Variants in PDS5B observed in about 807,000 individuals in gnomAD.
The protein encoded by PDS5B is PDS5 cohesin associated factor B, also known as sister chromatid cohesion protein PDS5 homolog B.
In PDS5B, 51 loss-of-function variants were observed where a neutral mutation model predicts 184.1. The observed-to-expected ratio is 0.28, with a 90% CI of 0.22 to 0.35. The LOEUF (loss-of-function observed/expected upper bound fraction) is 0.35. Among genes scored for constraint, PDS5B ranks in the 10% least tolerant of loss-of-function variants. PDS5B has a pLI of 1.00. For synonymous variants in PDS5B, 566 were observed against 569.2 expected, an observed-to-expected ratio of 0.99 and a Z score of 0.08; for missense variants, 1,180 against 1,723.3, an observed-to-expected ratio of 0.68 and a Z score of 5.58.
intron 24 of PDS5B, among the ~76,000 whole-genome samples, chr13:32,751,181 C>T (rs1270707073): frequency 6.6e-6 from 1 of 152,162 alleles, no homozygotes; most frequent in East Asian, 1.9e-4. Context: ...CCAGCTCCAT[C>T]CATATTGCTG....
At position 32,770,155 on chromosome 13, in the gene PDS5B, C is replaced by T. The variant is rs199723708; in HGVS notation, c.3659C>T (p.Thr1220Met). ...GAGAAGCCTAGAGGCAGGAAAAAAACGCCCGTCACAGAACAGGAGGAGAAA... is the reference window on the plus strand; with the variant it reads ...GAGAAGCCTAGAGGCAGGAAAAAAATGCCCGTCACAGAACAGGAGGAGAAA... The part of the protein sequence containing the change: ...ELEKPRGRKK[T>M]PVTEQEEKLG... The change falls in exon 32 of 35, where the codon ACG becomes ATG. Residue 1220 changes from threonine to methionine, a missense_variant. Thr to Met is a moderately conservative substitution (Grantham distance 81). Coordinates refer to ENST00000315596, the MANE Select transcript of PDS5B (RefSeq NM_015032.4). 64 of 1,612,084 alleles carry T rather than the reference C, an allele frequency of 4.0e-5. No individual in the cohort carries two copies. The South Asian group carries it at 4.3e-4, about 11-fold the overall frequency.
intron 21 of PDS5B, among the ~76,000 whole-genome samples, chr13:32,738,565 T>C (rs2140966061): frequency 6.6e-6 from 1 of 152,336 alleles, no homozygotes; most frequent in East Asian, 1.9e-4. Flanking sequence ...TATATTAATC[T>C]TTTATCTGGT....
chr13:32,708,551 A>T (rs140536659), intron 18 of PDS5B, among the ~76,000 whole-genome samples: 110 of 152,332 alleles, frequency 7.2e-4, no homozygotes, highest in Middle Eastern at 3.4e-3. Flanking sequence ...ATTGCTGTAC[A>T]GGGAAATTTT....
chr13:32,671,258 TCAATA>T (rs896221338), intron 7 of PDS5B, among the ~76,000 whole-genome samples: 3 of 152,206 alleles, frequency 2.0e-5, no homozygotes, highest in Non-Finnish European at 2.9e-5. Flanking sequence ...ATAAAAGTGT[TCAATA>T]CATGTGTTTT....
At chr13:32,616,056 TCTC>T in intron 1 of PDS5B, among the ~76,000 whole-genome samples, 1 of 151,546 alleles carries the variant, frequency 6.6e-6, no homozygotes, top group Admixed American at 6.6e-5. Context: ...CCTCTCTCTC[TCTC>T]TTTTTTTTTT....
At chr13:32,664,889 G>A (rs1202849294) in intron 6 of PDS5B, among the ~76,000 whole-genome samples, 1 of 152,114 alleles carries the variant, frequency 6.6e-6, no homozygotes, top group Non-Finnish European at 1.5e-5. Context: ...GTGATAGCAT[G>A]TGCACTTGTG....
At position 32,760,583 on chromosome 13, in the gene PDS5B, A is replaced by G. The variant is rs769183990; in HGVS notation, c.3381A>G (p.Thr1127=). Residue 1127 remains threonine, a synonymous_variant, in exon 30 of 35, where the codon ACA becomes ACG. Coordinates refer to ENST00000315596, the MANE Select transcript of PDS5B (RefSeq NM_015032.4). The stretch of plus-strand genomic sequence containing the variant: ...TGCATTTCTCATTTCAGCCTAAAAC[A>G]ACCAATGTTCTAGGAGCTGTTAACA... ...KSFFTPGKPK[T]TNVLGAVNKP... is the part of the protein sequence containing the mutation. The G allele has an allele frequency of 8.7e-6, 14 of 1,613,468 alleles. No individual in the cohort carries two copies. In the African/African-American group the frequency reaches 1.3e-4, roughly 15 times the overall value.
At chr13:32,686,447 G>A (rs561604039) in intron 11 of PDS5B, among the ~76,000 whole-genome samples, 3 of 152,124 alleles carry the variant, frequency 2.0e-5, no homozygotes, top group East Asian at 3.9e-4. Flanking sequence ...AAATTATGAG[G>A]GATGGGGGTT....
chr13:32,592,207 T>A (rs2057786801), intron 1 of PDS5B, among the ~76,000 whole-genome samples: 1 of 152,326 alleles, frequency 6.6e-6, no homozygotes, highest in South Asian at 2.1e-4. Flanking sequence ...CATGGCAGCC[T>A]GGACCTGGGT....
rs1483701823 is a variant in PDS5B, at chr13:32,645,848, CA to C, written c.-19-2905del. Among the ~76,000 whole-genome samples, 5 of 152,274 alleles carry C rather than the reference CA, an allele frequency of 3.3e-5. No homozygotes were observed. The East Asian group carries it at 9.6e-4, about 29-fold the overall frequency. On this transcript the variant is annotated intron_variant, in intron 1 of 34. Coordinates refer to ENST00000315596, the MANE Select transcript of PDS5B (RefSeq NM_015032.4). ...ATCTTTTCACCCCTTTTTCCGTTAA[CA>C]TTTGTCTCCCAAAACATCACTGTCC...
chr13:32,716,105 C>A (rs1417092295), intron 19 of PDS5B, among the ~76,000 whole-genome samples: 1 of 152,020 alleles, frequency 6.6e-6, no homozygotes, highest in Admixed American at 6.5e-5. Context: ...TGAGGAGCGT[C>A]TCTGCCTGGC....
intron 10 of PDS5B, among the ~76,000 whole-genome samples, chr13:32,680,035 T>C (rs1291843395): frequency 1.3e-5 from 2 of 152,178 alleles, no homozygotes; most frequent in Admixed American, 1.3e-4. Context: ...GGTAGGTAGT[T>C]TTTTGGGGAA....
At chr13:32,770,614 T>C (rs1164877317) in intron 32 of PDS5B, 40 bp from the exon 33 acceptor site, 2 of 1,601,040 alleles carry the variant, frequency 1.2e-6, no homozygotes, top group South Asian at 1.1e-5. Context: ...TTATAAATCA[T>C]AATTTGATGC....
intron 13 of PDS5B, chr13:32,691,393 A>G (rs1951546058): frequency 6.6e-6 from 1 of 152,064 alleles, no homozygotes; most frequent in East Asian, 1.9e-4. Context: ...ATCTTATTCC[A>G]TTATTTTGAT....
chr13:32,594,387 C>T (rs762013841), intron 1 of PDS5B, among the ~76,000 whole-genome samples: 37 of 152,194 alleles, frequency 2.4e-4, no homozygotes, highest in Admixed American at 1.8e-3. Flanking sequence ...ACAGTGCTGG[C>T]TAGAGATACA....
chr13:32,617,444 T>C (rs2058236280), intron 1 of PDS5B, among the ~76,000 whole-genome samples: 1 of 152,204 alleles, frequency 6.6e-6, no homozygotes, highest in South Asian at 2.1e-4. Flanking sequence ...ATGTAAATAT[T>C]GGAAAGGAAG....
At chr13:32,615,411 G>A (rs1300212530) in intron 1 of PDS5B, among the ~76,000 whole-genome samples, 1 of 152,036 alleles carries the variant, frequency 6.6e-6, no homozygotes, top group Non-Finnish European at 1.5e-5. Flanking sequence ...TTTTGATAGA[G>A]TGATTAGGAA....
chr13:32,744,429 T>G (rs760835094), intron 23 of PDS5B, among the ~76,000 whole-genome samples: 6 of 152,192 alleles, frequency 3.9e-5, no homozygotes, highest in African/African-American at 1.4e-4. Context: ...TGTCCTTTCC[T>G]TAAGTGGGAA....
chr13:32,694,168 T>C (rs978233592), intron 13 of PDS5B, 55 bp from the exon 14 acceptor site: 20 of 1,216,654 alleles, frequency 1.6e-5, no homozygotes, highest in Admixed American at 1.5e-4. Context: ...AGTAATATTC[T>C]AGAAAGATTT....
Sources: allele counts gnomAD v4.1 joint callset (sites outside exome capture counted in the v4.1 genomes callset), GRCh38; gene constraint gnomAD v4.1.1; transcripts MANE v1.5; gene names NCBI Gene and HGNC (gene_info 2026-07-23, HGNC 2026-07-21).